Variants in C13orf42 observed in about 807,000 individuals in gnomAD.
C13orf42 encodes chromosome 13 open reading frame 42, also known as uncharacterized protein C13orf42.
At chr13:51,134,431 A>G (rs1213339390) in intron 1 of C13orf42, among the ~76,000 whole-genome samples, 1 of 152,220 alleles carries the variant, frequency 6.6e-6, no homozygotes, top group East Asian at 1.9e-4. Context: ...TGCTGTGGAC[A>G]GATACCTCTC....
At chr13:51,150,062 A>G (rs1192802177) in intron 1 of C13orf42, among the ~76,000 whole-genome samples, 1 of 152,252 alleles carries the variant, frequency 6.6e-6, no homozygotes, top group Non-Finnish European at 1.5e-5. Context: ...CCGTAGATAT[A>G]AAACCAGTTT....
intron 1 of C13orf42, among the ~76,000 whole-genome samples, chr13:51,161,002 G>A (rs9526721): frequency 0.045 from 6,514 of 145,834 alleles, 155 homozygotes; most frequent in East Asian, 0.065. Flanking sequence ...TTGTCGCATT[G>A]TCCAAAAAGG....
intron 1 of C13orf42, among the ~76,000 whole-genome samples, chr13:51,108,892 G>T (rs1473327289): frequency 6.6e-6 from 1 of 152,174 alleles, no homozygotes; most frequent in African/African-American, 2.4e-5. Context: ...CCATTCAAAG[G>T]GCTAGAACTG....
At chr13:51,147,528 G>A (rs1478276738) in intron 1 of C13orf42, among the ~76,000 whole-genome samples, 2 of 152,158 alleles carry the variant, frequency 1.3e-5, no homozygotes, top group African/African-American at 4.8e-5. Context: ...TCAGGAGTTC[G>A]AGACGAGCCT....
At chr13:51,126,286 A>C (rs955037863) in intron 1 of C13orf42, among the ~76,000 whole-genome samples, 1 of 152,190 alleles carries the variant, frequency 6.6e-6, no homozygotes, top group African/African-American at 2.4e-5. Flanking sequence ...ATTGAGGTGT[A>C]TTTGTTTTGA....
At chr13:51,116,192 G>A (rs57981325), upstream of C13orf42, among the ~76,000 whole-genome samples, 13,525 of 152,188 alleles carry the variant, frequency 0.089, 884 homozygotes, top group South Asian at 0.26. Context: ...TTTAGAAGGC[G>A]TGGCCCTAAT....
At chr13:51,105,224 G>C (rs1953339786) in intron 1 of C13orf42, among the ~76,000 whole-genome samples, 2 of 152,200 alleles carry the variant, frequency 1.3e-5, no homozygotes, top group Admixed American at 1.3e-4. Context: ...CCAATCCATA[G>C]TCTCTCACTA....
At chr13:51,085,184 A>T (rs1953108228) in intron 3 of C13orf42, 135 bp downstream of exon 3, 4 of 194,598 alleles carry the variant, frequency 2.1e-5, no homozygotes, top group Non-Finnish European at 3.9e-5. Flanking sequence ...AGCAACAACA[A>T]ATATATATAT....
At chr13:51,108,310 A>ATAGTAGG (rs1953384597) in intron 1 of C13orf42, among the ~76,000 whole-genome samples, 2 of 152,196 alleles carry the variant, frequency 1.3e-5, no homozygotes, top group Non-Finnish European at 2.9e-5. Context: ...AGTTCAACTC[A>ATAGTAGG]TAGTAGGTAG....
intron 1 of C13orf42, among the ~76,000 whole-genome samples, chr13:51,149,959 T>C (rs963165154): frequency 2.0e-5 from 3 of 152,210 alleles, no homozygotes; most frequent in Non-Finnish European, 4.4e-5. Flanking sequence ...CAGTAGAAGA[T>C]ACACATTATT....
chr13:51,162,128 C>T (rs1386875824), intron 1 of C13orf42: 2 of 293,630 alleles, frequency 6.8e-6, no homozygotes, highest in Non-Finnish European at 1.3e-5. Flanking sequence ...TATCATGTCC[C>T]ATTCTATATG....
intron 1 of C13orf42, among the ~76,000 whole-genome samples, chr13:51,129,227 G>C (rs1213327215): frequency 6.6e-6 from 1 of 152,166 alleles, no homozygotes; most frequent in African/African-American, 2.4e-5. Flanking sequence ...CAGCTGGACT[G>C]GCAAAACAGA....
chr13:51,104,055 CTG>C (rs1302296342), intron 1 of C13orf42, among the ~76,000 whole-genome samples: 1 of 152,154 alleles, frequency 6.6e-6, no homozygotes, highest in Non-Finnish European at 1.5e-5. Flanking sequence ...CTTTAAAAGA[CTG>C]TTTCATATTT....
At position 51,082,633 on chromosome 13, in the gene C13orf42, C is replaced by A. The variant is rs1016473750; in HGVS notation, c.*1518G>T. On this transcript the variant is annotated 3_prime_UTR_variant, in exon 4 of 4. Coordinates refer to ENST00000563710, the MANE Select transcript of C13orf42 (RefSeq NM_001351589.3). ...ATAAAAGATCTGTGGTGATAAATGG[C>A]AGTGCTTTAATGCAGTTTATAAAAC... 1 of 152,182 alleles carries A rather than the reference C, an allele frequency of 6.6e-6. No individual in the cohort carries two copies. The highest frequency in any genetic ancestry group is 1.5e-5 in the Non-Finnish European group (1 of 68,036). The allele number at this position is 152,182 out of a possible 1,614,324, so 9.4% of individuals were successfully genotyped here. A position where few individuals can be genotyped will look rare whatever the true frequency, so the allele number is the denominator to read the frequency against.
At chr13:51,108,849 T>C (rs2138000985) in intron 1 of C13orf42, among the ~76,000 whole-genome samples, 1 of 152,352 alleles carries the variant, frequency 6.6e-6, no homozygotes, top group Non-Finnish European at 1.5e-5. Flanking sequence ...AGGAGATCCC[T>C]ACGTTATATC....
intron 1 of C13orf42, among the ~76,000 whole-genome samples, chr13:51,104,927 A>G (rs1314350794): frequency 6.6e-6 from 1 of 152,220 alleles, no homozygotes; most frequent in African/African-American, 2.4e-5. Context: ...GCACACACAG[A>G]GGCTGATGCC....
chr13:51,112,499 A>G (rs1369979498), upstream of C13orf42, among the ~76,000 whole-genome samples: 2 of 152,228 alleles, frequency 1.3e-5, no homozygotes, highest in Non-Finnish European at 2.9e-5. Context: ...GTATGACTGT[A>G]AAATATCATT....
At chr13:51,088,514 T>G (rs1953152726) in intron 1 of C13orf42, among the ~76,000 whole-genome samples, 1 of 152,176 alleles carries the variant, frequency 6.6e-6, no homozygotes, top group Non-Finnish European at 1.5e-5. Context: ...CTATAATAAC[T>G]CAATTGTACA....
At chr13:51,150,993 AC>A (rs755417658) in intron 1 of C13orf42, among the ~76,000 whole-genome samples, 2 of 152,180 alleles carry the variant, frequency 1.3e-5, no homozygotes, top group Middle Eastern at 3.4e-3. Context: ...ACTCTTCAGA[AC>A]CCCCCTGGCC....
Sources: allele counts gnomAD v4.1 joint callset (sites outside exome capture counted in the v4.1 genomes callset), GRCh38; gene constraint gnomAD v4.1.1; transcripts MANE v1.5; gene names NCBI Gene and HGNC (gene_info 2026-07-23, HGNC 2026-07-21).